Variants in ADAMTS14 observed in about 807,000 individuals in gnomAD.
ADAMTS14 encodes the protein ADAM metallopeptidase with thrombospondin type 1 motif 14.
A neutral mutation model predicts 128.6 loss-of-function variants in ADAMTS14; 100 were observed. That is an observed-to-expected ratio of 0.78 (90% CI 0.66 to 0.92). The LOEUF (loss-of-function observed/expected upper bound fraction) is 0.92. Among genes scored for constraint, ADAMTS14 ranks in the 40% least tolerant of loss-of-function variants. ADAMTS14 has a pLI of 0.00. For missense variants in ADAMTS14, 1,562 were observed against 1,658.6 expected, an observed-to-expected ratio of 0.94 and a Z score of 1.01; for synonymous variants, 665 against 653.8, an observed-to-expected ratio of 1.02 and a Z score of -0.26.
intron 4 of ADAMTS14, 31 bp from the exon 5 acceptor site, chr10:70,729,263 C>A (rs1385943135): frequency 3.2e-6 from 5 of 1,587,024 alleles, no homozygotes; most frequent in Admixed American, 1.7e-5. Context: ...ATGAATGTTT[C>A]CTTCCCTTAA....
intron 4 of ADAMTS14, among the ~76,000 whole-genome samples, chr10:70,728,061 G>A (rs7082586): frequency 0.27 from 40,879 of 149,110 alleles, 6,366 homozygotes; most frequent in African/African-American, 0.43. Flanking sequence ...GCACCACTGC[G>A]CTCCAGCCTG....
At chr10:70,745,368 G>A (rs902816161) in intron 15 of ADAMTS14, 62 bp downstream of exon 15, 27 of 1,557,880 alleles carry the variant, frequency 1.7e-5, no homozygotes, top group Non-Finnish European at 2.3e-5. Flanking sequence ...TGACTTGGGG[G>A]AGCTGGGAGA....
chr10:70,728,060 C>G (rs189358699), intron 4 of ADAMTS14, among the ~76,000 whole-genome samples: 1 of 150,748 alleles, frequency 6.6e-6, no homozygotes, highest in Non-Finnish European at 1.5e-5. Context: ...CGCACCACTG[C>G]GCTCCAGCCT....
intron 18 of ADAMTS14, among the ~76,000 whole-genome samples, chr10:70,752,828 T>C (rs1469464682): frequency 6.6e-6 from 1 of 152,122 alleles, no homozygotes; most frequent in East Asian, 1.9e-4. Context: ...GCTGGGCATG[T>C]AATTGGGGCA....
chr10:70,699,663 T>C (rs1840437598), intron 2 of ADAMTS14, among the ~76,000 whole-genome samples: 1 of 152,176 alleles, frequency 6.6e-6, no homozygotes, highest in Admixed American at 6.5e-5. Flanking sequence ...GTATCCCTCA[T>C]ATGAGACACT....
At chr10:70,718,631 C>G (rs1397819902) in intron 4 of ADAMTS14, among the ~76,000 whole-genome samples, 3 of 150,982 alleles carry the variant, frequency 2.0e-5, no homozygotes, top group Non-Finnish European at 4.4e-5. Context: ...AGTGACCTGC[C>G]CGCCTCAGCC....
At chr10:70,748,521 T>G (rs7906021) in intron 15 of ADAMTS14, among the ~76,000 whole-genome samples, 16,514 of 152,150 alleles carry the variant, frequency 0.11, 1,244 homozygotes, top group African/African-American at 0.22. Context: ...TTTCCACCCC[T>G]CTTCCCCACC....
intron 2 of ADAMTS14, among the ~76,000 whole-genome samples, chr10:70,684,222 A>T (rs1839892587): frequency 6.6e-6 from 1 of 152,098 alleles, no homozygotes; most frequent in South Asian, 2.1e-4. Context: ...TGCCAAGAAG[A>T]TAGTGCTAAA....
At chr10:70,722,494 A>AT (rs1353964775) in intron 4 of ADAMTS14, among the ~76,000 whole-genome samples, 1 of 152,168 alleles carries the variant, frequency 6.6e-6, no homozygotes, top group Non-Finnish European at 1.5e-5. Context: ...AAGCTTCCGT[A>AT]TACCTTTGGG....
intron 2 of ADAMTS14, among the ~76,000 whole-genome samples, chr10:70,679,408 G>A (rs12251669): frequency 0.012 from 1,782 of 152,244 alleles, 43 homozygotes; most frequent in African/African-American, 0.041. Flanking sequence ...GTGACCTGAC[G>A]GGCCACTCTT....
intron 2 of ADAMTS14, among the ~76,000 whole-genome samples, chr10:70,697,546 T>C (rs1240256621): frequency 6.6e-6 from 1 of 152,250 alleles, no homozygotes; most frequent in African/African-American, 2.4e-5. Flanking sequence ...TGAGAATAGA[T>C]GTACTTTAAT....
At chr10:70,722,185 G>A (rs138132987) in intron 4 of ADAMTS14, among the ~76,000 whole-genome samples, 22 of 152,296 alleles carry the variant, frequency 1.4e-4, no homozygotes, top group Non-Finnish European at 2.5e-4. Flanking sequence ...GATGCAGCAT[G>A]TGTCTTGGGG....
chr10:70,740,385 C>T (rs1351313432), intron 11 of ADAMTS14, among the ~76,000 whole-genome samples: 2 of 152,178 alleles, frequency 1.3e-5, no homozygotes, highest in African/African-American at 4.8e-5. Context: ...TCTTACTATT[C>T]TTCACAGACA....
chr10:70,758,370 AC>A, intron 21 of ADAMTS14, 85 bp downstream of exon 21: 1 of 1,234,834 alleles, frequency 8.1e-7, no homozygotes, highest in Non-Finnish European at 1.1e-6. Context: ...AGTGGAGCAA[AC>A]CCAGCTTGTA....
Position 70,708,725 on chromosome 10 carries a change from C to T in ADAMTS14, c.817C>T (p.Arg273Cys), listed in dbSNP as rs763213695. The change falls in exon 4 of 22, where the codon CGC becomes TGC. Residue 273 changes from arginine to cysteine, a missense_variant. Transcript: ENST00000373207. ...VLLVVDDSVV[R>C]FHGKEHVQNY... ...GCTGGTGGTGGACGACTCGGTGGTT[C>T]GCTTCCATGGCAAGGAGCATGTGCA... 6.2e-6 allele frequency: 10 copies of T among 1,612,174 alleles called. No homozygotes were observed. In the East Asian group the frequency reaches 1.6e-4, roughly 25 times the overall value.
At chr10:70,696,087 C>T (rs1840325018) in intron 2 of ADAMTS14, among the ~76,000 whole-genome samples, 1 of 152,026 alleles carries the variant, frequency 6.6e-6, no homozygotes, top group African/African-American at 2.4e-5. Context: ...AGTAGCTGGG[C>T]AGGGATGGGA....
chr10:70,685,455 G>A lies in ADAMTS14; in HGVS notation c.522+10460G>A, dbSNP rs141692470. On this transcript the variant is annotated intron_variant, in intron 2 of 21. Coordinates refer to ENST00000373207, the MANE Select transcript of ADAMTS14 (RefSeq NM_080722.4). ...AAACCTGCATGGATCCCAGCTCAGC[G>A]TACTTTCCACCATTCGCCCTGACTT... Among the ~76,000 whole-genome samples the A allele has an allele frequency of 2.1e-4, 32 of 152,334 alleles. No homozygotes were observed. The East Asian group carries it at 5.6e-3, about 27-fold the overall frequency.
chr10:70,755,487 G>A (rs1188562174), intron 19 of ADAMTS14, among the ~76,000 whole-genome samples: 1 of 152,196 alleles, frequency 6.6e-6, no homozygotes, highest in East Asian at 1.9e-4. Flanking sequence ...TCTGGAAACA[G>A]ATGGTGGTAA....
chr10:70,685,489 G>A (rs1839927056), intron 2 of ADAMTS14, among the ~76,000 whole-genome samples: 1 of 152,220 alleles, frequency 6.6e-6, no homozygotes, highest in Non-Finnish European at 1.5e-5. Flanking sequence ...TTTGGCCTGA[G>A]TTGGAGACAG....
Sources: allele counts gnomAD v4.1 joint callset (sites outside exome capture counted in the v4.1 genomes callset), GRCh38; gene constraint gnomAD v4.1.1; transcripts MANE v1.5; gene names NCBI Gene and HGNC (gene_info 2026-07-23, HGNC 2026-07-21).